Variants in PLCB4 observed in about 807,000 individuals in gnomAD.
PLCB4 encodes the protein phospholipase C beta 4, also known as 1-phosphatidylinositol 4,5-bisphosphate phosphodiesterase beta-4.
PLCB4 carries 77 observed loss-of-function variants against 178.8 expected under a neutral mutation model. The observed-to-expected ratio is 0.43, with a 90% CI of 0.36 to 0.52. The LOEUF (loss-of-function observed/expected upper bound fraction) is 0.52, where lower values mean the gene tolerates loss of function less well. Ranked by LOEUF, PLCB4 falls within the 20% of genes least tolerant of loss-of-function variation. The pLI is 0.00. For missense variants in PLCB4, 1,024 were observed against 1,453.4 expected, an observed-to-expected ratio of 0.70 and a Z score of 4.80; for synonymous variants, 496 against 490.8, an observed-to-expected ratio of 1.01 and a Z score of -0.14.
chr20:9,441,301 T>G (rs2042087557), intron 30 of PLCB4, among the ~76,000 whole-genome samples: 1 of 152,162 alleles, frequency 6.6e-6, no homozygotes, highest in African/African-American at 2.4e-5. Flanking sequence ...GAGAAGTCTA[T>G]AGGTGTTCTT....
chr20:9,397,601 A>T (rs1482481893), intron 19 of PLCB4, among the ~76,000 whole-genome samples: 1 of 152,072 alleles, frequency 6.6e-6, no homozygotes, highest in Non-Finnish European at 1.5e-5. Context: ...CTTATTCAAG[A>T]CTCCTTAATA....
intron 2 of PLCB4, among the ~76,000 whole-genome samples, chr20:9,195,294 C>A (rs548923666): frequency 4.6e-4 from 70 of 152,308 alleles, no homozygotes; most frequent in Admixed American, 7.8e-4. Context: ...CCAGATGATG[C>A]AGATGCTGCT....
chr20:9,213,116 T>C (rs896111423), intron 2 of PLCB4, among the ~76,000 whole-genome samples: 1 of 133,350 alleles, frequency 7.5e-6, no homozygotes, highest in Non-Finnish European at 1.5e-5. Flanking sequence ...TTGGCTTCTC[T>C]CCGTTAGCAT....
intron 4 of PLCB4, among the ~76,000 whole-genome samples, chr20:9,308,683 G>C (rs529561236): frequency 6.6e-6 from 1 of 152,278 alleles, no homozygotes; most frequent in African/African-American, 2.4e-5. Context: ...CAGAGATCCA[G>C]ATTGTCAGAT....
chr20:9,236,570 G>A (rs1360437840), intron 3 of PLCB4, among the ~76,000 whole-genome samples: 1 of 152,150 alleles, frequency 6.6e-6, no homozygotes, highest in Non-Finnish European at 1.5e-5. Flanking sequence ...CTGTAGTGGA[G>A]ACCTCTCTCC....
chr20:9,363,765 G>A (rs547844311), intron 8 of PLCB4, among the ~76,000 whole-genome samples: 12 of 152,338 alleles, frequency 7.9e-5, no homozygotes, highest in East Asian at 5.8e-4. Flanking sequence ...GTTGTGAGGT[G>A]CCAAGGGGAA....
At chr20:9,275,747 C>T (rs1488461017) in intron 3 of PLCB4, among the ~76,000 whole-genome samples, 2 of 152,054 alleles carry the variant, frequency 1.3e-5, no homozygotes, top group Non-Finnish European at 2.9e-5. Context: ...TTGATAGCTG[C>T]TTGTTTTTGG....
chr20:9,374,122 G>A (rs940810412), intron 12 of PLCB4, among the ~76,000 whole-genome samples: 6 of 152,220 alleles, frequency 3.9e-5, no homozygotes, highest in South Asian at 2.1e-4. Context: ...CTTTTCTTCC[G>A]TTGTGAAGGT....
intron 3 of PLCB4, among the ~76,000 whole-genome samples, chr20:9,269,477 A>T (rs2094381641): frequency 6.6e-6 from 1 of 152,174 alleles, no homozygotes; most frequent in Non-Finnish European, 1.5e-5. Flanking sequence ...TAATATGTTC[A>T]ACTATGTCAT....
intron 20 of PLCB4, among the ~76,000 whole-genome samples, chr20:9,402,057 C>T (rs550186325): frequency 6.6e-6 from 1 of 152,332 alleles, no homozygotes; most frequent in East Asian, 1.9e-4. Context: ...TATTCATATA[C>T]TTACCTTTTG....
chr20:9,424,832 A>G (rs894491046), intron 28 of PLCB4, among the ~76,000 whole-genome samples: 51 of 152,198 alleles, frequency 3.4e-4, no homozygotes, highest in African/African-American at 1.2e-3. Context: ...TATAATTTCT[A>G]TACTTCACTG....
chr20:9,087,842 T>C (rs945227462), intron 1 of PLCB4, among the ~76,000 whole-genome samples: 4 of 152,326 alleles, frequency 2.6e-5, no homozygotes, highest in Middle Eastern at 3.4e-3. Flanking sequence ...CAATATCAGC[T>C]CCTCATATTC....
intron 2 of PLCB4, among the ~76,000 whole-genome samples, chr20:9,207,092 G>A (rs768733300): frequency 1.4e-4 from 22 of 152,208 alleles, no homozygotes; most frequent in Middle Eastern, 6.8e-3. Flanking sequence ...CTCCAGCCTG[G>A]GAGACAAAGC....
At chr20:9,190,982 A>G (rs930608101) in intron 2 of PLCB4, among the ~76,000 whole-genome samples, 7 of 152,152 alleles carry the variant, frequency 4.6e-5, no homozygotes, top group Non-Finnish European at 8.8e-5. Context: ...TATGGTTTAG[A>G]AGCCTCCAGT....
At chr20:9,193,052 G>T (rs1346647131) in intron 2 of PLCB4, among the ~76,000 whole-genome samples, 1 of 152,166 alleles carries the variant, frequency 6.6e-6, no homozygotes, top group Admixed American at 6.5e-5. Flanking sequence ...CATTGCCAAG[G>T]TGAAAGTTAA....
At chr20:9,249,299 C>G (rs985017489) in intron 3 of PLCB4, among the ~76,000 whole-genome samples, 1 of 151,856 alleles carries the variant, frequency 6.6e-6, no homozygotes. Context: ...TATACATGTG[C>G]CATGTTGGTG....
chr20:9,247,714 G>A (rs764992904), intron 3 of PLCB4, among the ~76,000 whole-genome samples: 1 of 152,134 alleles, frequency 6.6e-6, no homozygotes, highest in South Asian at 2.1e-4. Context: ...CTGAAACAAA[G>A]TGCAGAATAG....
At position 9,180,047 on chromosome 20, in the gene PLCB4, G is replaced by GGAATGTTTAGTTCT. The variant is rs562127289; in HGVS notation, c.-78-37342_-78-37329dup. On this transcript the variant is annotated intron_variant, in intron 2 of 39. Coordinates refer to ENST00000378473, the MANE Select transcript of PLCB4 (RefSeq NM_001377142.1). ...TGCTGTGCTTCAGATGCCTTGTTTA[G>GGAATGTTTAGTTCT]GAATGTTTAGTTCTAAATGCTAGAC... Among the ~76,000 whole-genome samples the GGAATGTTTAGTTCT allele has an allele frequency of 2.3e-3, 343 of 152,226 alleles. 3 individuals are homozygous for GGAATGTTTAGTTCT. Among genetic ancestry groups the GGAATGTTTAGTTCT allele is most frequent in the African/African-American group, 7.8e-3 (325 of 41,530 alleles).
At chr20:9,116,737 G>T (rs2091793395) in intron 2 of PLCB4, among the ~76,000 whole-genome samples, 1 of 152,078 alleles carries the variant, frequency 6.6e-6, no homozygotes, top group African/African-American at 2.4e-5. Context: ...AAAAATCCCA[G>T]TGGAAATTTG....
Sources: gnomAD v4.1 joint callset for allele counts (sites outside exome capture counted in the v4.1 genomes callset) on GRCh38, gnomAD v4.1.1 for gene constraint, MANE v1.5 for transcripts, NCBI Gene and HGNC (gene_info 2026-07-23, HGNC 2026-07-21) for gene names.